FOXK2: variants seen among roughly 807,000 people sequenced by gnomAD.
FOXK2 encodes the protein forkhead box protein K2.
A neutral mutation model predicts 53.3 loss-of-function variants in FOXK2; 24 were observed. The observed-to-expected ratio is 0.45, with a 90% CI of 0.33 to 0.63. The LOEUF (loss-of-function observed/expected upper bound fraction) is 0.63. Among genes scored for constraint, FOXK2 ranks in the 30% least tolerant of loss-of-function variants. FOXK2 has a pLI of 0.03. For missense variants in FOXK2, 952 were observed against 910.5 expected (o/e 1.05, Z -0.59); for synonymous variants, 505 against 407.1 (o/e 1.24, Z -2.89).
intron 4 of FOXK2, among the ~76,000 whole-genome samples, chr17:82,575,053 C>T (rs1420787037): frequency 1.3e-5 from 2 of 152,152 alleles, no homozygotes; most frequent in Non-Finnish European, 2.9e-5. Flanking sequence ...TACTATTAAA[C>T]AAATCAAAGG....
chr17:82,530,868 A>G (rs567992001), intron 1 of FOXK2, among the ~76,000 whole-genome samples: 1 of 152,304 alleles, frequency 6.6e-6, no homozygotes, highest in East Asian at 1.9e-4. Context: ...TCAGAATACG[A>G]TAGCATTTTG....
At chr17:82,580,076 T>C (rs1302878891) in intron 4 of FOXK2, among the ~76,000 whole-genome samples, 27 of 91,024 alleles carry the variant, frequency 3.0e-4, no homozygotes, top group South Asian at 4.4e-4. Context: ...ACACATGGCC[T>C]AGCCCTCCTC....
At chr17:82,587,981 G>T (rs2045210186) in intron 8 of FOXK2, among the ~76,000 whole-genome samples, 1 of 152,116 alleles carries the variant, frequency 6.6e-6, no homozygotes, top group Non-Finnish European at 1.5e-5. Context: ...AACTGTCTCT[G>T]TGCCCACGAC....
intron 1 of FOXK2, among the ~76,000 whole-genome samples, chr17:82,555,879 C>CT (rs1215287338): frequency 1.1e-5 from 1 of 91,176 alleles, no homozygotes; most frequent in African/African-American, 4.2e-5. Context: ...AAGCAAGACT[C>CT]TATCACAAAA....
At chr17:82,593,150 G>A (rs1310377508) in intron 8 of FOXK2, among the ~76,000 whole-genome samples, 13 of 109,330 alleles carry the variant, frequency 1.2e-4, no homozygotes, top group African/African-American at 2.3e-4. Context: ...TCCCTGCACC[G>A]GGCACAGGCT....
At chr17:82,549,617 C>T (rs1386456396) in intron 1 of FOXK2, among the ~76,000 whole-genome samples, 3 of 152,026 alleles carry the variant, frequency 2.0e-5, no homozygotes, top group African/African-American at 7.3e-5. Flanking sequence ...TGCAGTGCAG[C>T]AAATGGGAGA....
intron 8 of FOXK2, chr17:82,601,063 G>A (rs115354270): frequency 1.9e-4 from 89 of 479,620 alleles, no homozygotes; most frequent in African/African-American, 1.5e-3. Flanking sequence ...TTCACTTGCT[G>A]CAGTTTTTTG....
intron 4 of FOXK2, 135 bp from the exon 5 acceptor site, chr17:82,582,605 AG>A: frequency 1.5e-6 from 1 of 672,164 alleles, no homozygotes; most frequent in South Asian, 2.1e-5. Flanking sequence ...GTGACGCAAA[AG>A]AAAAAAAATT....
chr17:82,574,360 G>A lies in FOXK2; in HGVS notation c.909+2490G>A, dbSNP rs143371019. The stretch of plus-strand genomic sequence containing the variant: ...TTTGAGATAGAGTTTTGCTCTTGTT[G>A]CCCAGGCTGGAGTGCAATGGCGCGA... On this transcript the variant is annotated intron_variant, in intron 4 of 8. Transcript: ENST00000335255. Among the ~76,000 whole-genome samples the A allele has an allele frequency of 2.9e-4, 40 of 139,290 alleles. 1 individual carries two copies. In the East Asian group the frequency reaches 8.1e-3, roughly 28 times the overall value. 91.4% of individuals were successfully genotyped at this position (139,290 alleles called of 152,430 possible).
At chr17:82,553,206 G>A (rs2044693536) in intron 1 of FOXK2, among the ~76,000 whole-genome samples, 2 of 152,240 alleles carry the variant, frequency 1.3e-5, no homozygotes, top group African/African-American at 4.8e-5. Context: ...AAAGTGCTGG[G>A]ATTACAGGCG....
intron 6 of FOXK2, among the ~76,000 whole-genome samples, chr17:82,584,420 A>C (rs968100436): frequency 6.6e-6 from 1 of 151,154 alleles, no homozygotes; most frequent in African/African-American, 2.4e-5. Flanking sequence ...CTTAGAATTA[A>C]CCTGTTTCTT....
At chr17:82,574,111 G>C (rs1045123237) in intron 4 of FOXK2, among the ~76,000 whole-genome samples, 1 of 152,240 alleles carries the variant, frequency 6.6e-6, no homozygotes, top group African/African-American at 2.4e-5. Flanking sequence ...GCACACGTCA[G>C]GCACCCTTCT....
At chr17:82,593,098 C>T (rs962631517) in intron 8 of FOXK2, among the ~76,000 whole-genome samples, 7 of 144,232 alleles carry the variant, frequency 4.9e-5, no homozygotes, top group African/African-American at 1.3e-4. Flanking sequence ...CTCCCTGCGC[C>T]GGGCACAGGC....
chr17:82,598,535 T>A (rs1455406698), intron 8 of FOXK2, among the ~76,000 whole-genome samples: 1 of 152,216 alleles, frequency 6.6e-6, no homozygotes, highest in Non-Finnish European at 1.5e-5. Context: ...CGGATTGGCT[T>A]GCAGTTCTGG....
intron 6 of FOXK2, 125 bp downstream of exon 6, chr17:82,584,313 CT>C: frequency 2.0e-6 from 2 of 1,008,574 alleles, no homozygotes; most frequent in Non-Finnish European, 2.7e-6. Context: ...ATACTAGTAC[CT>C]GATTTTATAG....
rs371704204 is a variant in FOXK2, at chr17:82,603,748, C to T, written c.*2249C>T. 4.1e-5 allele frequency: 6 copies of T among 144,882 alleles called. No homozygotes were observed. Among genetic ancestry groups the T allele is most frequent in the African/African-American group, 7.7e-5 (3 of 39,074 alleles). 9.0% of individuals were successfully genotyped at this position (144,882 alleles called of 1,614,324 possible). The stretch of plus-strand genomic sequence containing the variant: ...TTTTTTTTTTTTTTTGCCGTAGGCA[C>T]CATTCTGCATCTTGAACCCAGACTG... On this transcript the variant is annotated 3_prime_UTR_variant, in exon 9 of 9. Coordinates refer to ENST00000335255, the MANE Select transcript of FOXK2 (RefSeq NM_004514.4).
chr17:82,589,784 G>A (rs1042888655), intron 8 of FOXK2, among the ~76,000 whole-genome samples: 7 of 151,948 alleles, frequency 4.6e-5, no homozygotes, highest in Non-Finnish European at 7.4e-5. Context: ...GGTGGCTCAC[G>A]CCTGTAATCC....
chr17:82,520,291 C>T lies in FOXK2; in HGVS notation c.403C>T (p.Leu135=). The T allele has an allele frequency of 3.2e-6, 4 of 1,265,832 alleles. No homozygotes were observed. Among genetic ancestry groups the T allele is most frequent in the Non-Finnish European group, 4.0e-6 (4 of 1,001,090 alleles). 78.4% of individuals were successfully genotyped at this position (1,265,832 alleles called of 1,614,324 possible). A position where few individuals can be genotyped will look rare whatever the true frequency, so the allele number is the denominator to read the frequency against. Residue 135 remains leucine, a synonymous_variant, in exon 1 of 9, where the codon CTG becomes TTG. Coordinates refer to ENST00000335255, the MANE Select transcript of FOXK2 (RefSeq NM_004514.4). ...GTTCCAGAGGCGCGGGGCGCCGCCG[C>T]TGCAGCTGCCGCGCGTGTGAGTGGC... ...GVFQRRGAPP[L]QLPRVCTFRF... is the part of the protein sequence containing the mutation.
chr17:82,597,810 C>G (rs1456496255), intron 8 of FOXK2, among the ~76,000 whole-genome samples: 1 of 152,160 alleles, frequency 6.6e-6, no homozygotes, highest in Admixed American at 6.5e-5. Flanking sequence ...GCCACCACAC[C>G]TGGCTAATTT....
Sources: allele counts gnomAD v4.1 joint callset (sites outside exome capture counted in the v4.1 genomes callset), GRCh38; gene constraint gnomAD v4.1.1; transcripts MANE v1.5; gene names NCBI Gene and HGNC (gene_info 2026-07-23, HGNC 2026-07-21).